STIM2: variants seen among roughly 807,000 people sequenced by gnomAD.
STIM2 encodes the protein stromal interaction molecule 2.
In STIM2, 31 loss-of-function variants were observed where a neutral mutation model predicts 85.8. That is an observed-to-expected ratio of 0.36 (90% CI 0.27 to 0.49). STIM2 has a LOEUF of 0.49. STIM2 is among the 20% of genes least tolerant of loss of function. The pLI is 0.98. For missense variants in STIM2, 841 were observed against 927.6 expected, an observed-to-expected ratio of 0.91 and a Z score of 1.21; for synonymous variants, 356 against 331.1, an observed-to-expected ratio of 1.08 and a Z score of -0.82.
intron 10 of STIM2, among the ~76,000 whole-genome samples, chr4:27,012,669 CAAGCT>C (rs1728599059): frequency 6.6e-6 from 1 of 151,836 alleles, no homozygotes; most frequent in Admixed American, 6.6e-5. Context: ...CTTTATTGCC[CAAGCT>C]AAGACCTCCA....
intron 1 of STIM2, among the ~76,000 whole-genome samples, chr4:26,862,900 C>G (rs1490970375): frequency 6.6e-6 from 1 of 152,080 alleles, no homozygotes; most frequent in Non-Finnish European, 1.5e-5. Flanking sequence ...ATGCCTCATG[C>G]AGGAAGGGAA....
At chr4:26,964,182 C>G (rs1726618899) in intron 3 of STIM2, among the ~76,000 whole-genome samples, 1 of 152,148 alleles carries the variant, frequency 6.6e-6, no homozygotes, top group South Asian at 2.1e-4. Context: ...TGATGGGCAG[C>G]TCCAAGAGTG....
chr4:26,998,410 A>G (rs879264403), intron 4 of STIM2, among the ~76,000 whole-genome samples: 11 of 152,174 alleles, frequency 7.2e-5, no homozygotes, highest in Non-Finnish European at 1.0e-4. Flanking sequence ...TGTGACTTCA[A>G]TGTACTTTGT....
chr4:27,007,876 T>G (rs1256709587), intron 8 of STIM2, 176 bp downstream of exon 8: 7 of 739,228 alleles, frequency 9.5e-6, no homozygotes, highest in Non-Finnish European at 1.6e-5. Context: ...AAATTAAAAT[T>G]ACTGCATTTG....
rs979763903 is a variant in STIM2 at position 26,974,368 on chromosome 4, G to A, written c.397+16642G>A. On this transcript the variant is annotated intron_variant, in intron 3 of 11. Coordinates refer to ENST00000467087, the MANE Select transcript of STIM2 (RefSeq NM_020860.4). ...ATTTGGCATGTTTTTGCAGTGGCTAGTACCGGTTTTTTCTTTCCATGTTTA... is the reference window on the plus strand; with the variant it reads ...ATTTGGCATGTTTTTGCAGTGGCTAATACCGGTTTTTTCTTTCCATGTTTA... Among the ~76,000 whole-genome samples, 3 of 152,134 alleles carry A rather than the reference G, an allele frequency of 2.0e-5. No homozygotes were observed. In the South Asian group the frequency reaches 6.2e-4, roughly 32 times the overall value.
chr4:26,983,321 C>A (rs1727471367), intron 3 of STIM2, among the ~76,000 whole-genome samples: 1 of 152,154 alleles, frequency 6.6e-6, no homozygotes, highest in Admixed American at 6.5e-5. Context: ...TAATTTAATC[C>A]TTTAACCATT....
At chr4:26,908,487 G>T (rs914037857) in intron 1 of STIM2, among the ~76,000 whole-genome samples, 2 of 152,118 alleles carry the variant, frequency 1.3e-5, no homozygotes, top group African/African-American at 2.4e-5. Context: ...TTGTTTGTTT[G>T]TTTGTTTGCT....
At chr4:27,007,097 A>C (rs1728390131) in intron 7 of STIM2, among the ~76,000 whole-genome samples, 1 of 152,210 alleles carries the variant, frequency 6.6e-6, no homozygotes, top group African/African-American at 2.4e-5. Flanking sequence ...AATTTTGGAC[A>C]TTTCTTTATA....
intron 1 of STIM2, among the ~76,000 whole-genome samples, chr4:26,915,279 GGGTGGAGTGT>G (rs1724494024): frequency 1.3e-5 from 2 of 152,102 alleles, no homozygotes; most frequent in Non-Finnish European, 2.9e-5. Context: ...CTGTTACCCA[GGGTGGAGTGT>G]AGTGGCATGA....
At chr4:26,872,684 TGA>T (rs532805711) in intron 1 of STIM2, among the ~76,000 whole-genome samples, 13 of 152,176 alleles carry the variant, frequency 8.5e-5, no homozygotes, top group Non-Finnish European at 1.5e-4. Context: ...CAAAGATGAA[TGA>T]GATTGAGGTT....
At chr4:26,919,453 A>T in intron 1 of STIM2, 51 bp from the exon 2 acceptor site, 1 of 1,607,928 alleles carries the variant, frequency 6.2e-7, no homozygotes, top group Non-Finnish European at 8.5e-7. Flanking sequence ...CTCTAACTAT[A>T]GCCTTTGTTT....
chr4:26,983,521 T>C (rs1231392791), intron 3 of STIM2, among the ~76,000 whole-genome samples: 1 of 152,216 alleles, frequency 6.6e-6, no homozygotes, highest in Non-Finnish European at 1.5e-5. Context: ...AAAAATCATA[T>C]ATAATTGAAG....
At chr4:26,946,791 T>C (rs912168366) in intron 2 of STIM2, among the ~76,000 whole-genome samples, 9 of 152,240 alleles carry the variant, frequency 5.9e-5, no homozygotes, top group Admixed American at 2.0e-4. Context: ...TTTACCAGTT[T>C]GGTTTTGTGG....
intron 2 of STIM2, among the ~76,000 whole-genome samples, chr4:26,944,300 C>A (rs1725731370): frequency 1.3e-5 from 2 of 152,044 alleles, no homozygotes; most frequent in Admixed American, 1.3e-4. Context: ...TTTTAAAATA[C>A]AAGCAAAATA....
At chr4:27,002,489 A>T in intron 6 of STIM2, 95 bp downstream of exon 6, 1 of 910,914 alleles carries the variant, frequency 1.1e-6, no homozygotes, top group Non-Finnish European at 1.6e-6. Flanking sequence ...CATTTAGGTT[A>T]TTATACACAT....
At chr4:26,962,671 T>C (rs569557893) in intron 3 of STIM2, among the ~76,000 whole-genome samples, 6 of 151,686 alleles carry the variant, frequency 4.0e-5, no homozygotes, top group African/African-American at 1.5e-4. Context: ...CTAATGCAAA[T>C]GAAAGCCATT....
chr4:26,873,913 A>T, intron 1 of STIM2: 1 of 1,375,496 alleles, frequency 7.3e-7, no homozygotes, highest in Admixed American at 1.9e-5. Context: ...CTGAGTGGAC[A>T]GGGGCGCCTC....
intron 10 of STIM2, among the ~76,000 whole-genome samples, chr4:27,014,829 A>G (rs1263195305): frequency 6.6e-6 from 1 of 151,854 alleles, no homozygotes; most frequent in Non-Finnish European, 1.5e-5. Flanking sequence ...GTTTTATATA[A>G]TTTGTACTAA....
chr4:27,020,540 C>T (rs1209409241), intron 11 of STIM2, among the ~76,000 whole-genome samples: 2 of 152,138 alleles, frequency 1.3e-5, no homozygotes, highest in Admixed American at 6.5e-5. Context: ...TTGTACCTTT[C>T]GAGAGCTTGT....
Sources: gnomAD v4.1 joint callset for allele counts (sites outside exome capture counted in the v4.1 genomes callset) on GRCh38, gnomAD v4.1.1 for gene constraint, MANE v1.5 for transcripts, NCBI Gene and HGNC (gene_info 2026-07-23, HGNC 2026-07-21) for gene names.